HSF2: variants seen among roughly 807,000 people sequenced by gnomAD.
HSF2 encodes heat shock transcription factor 2.
HSF2 carries 21 observed loss-of-function variants against 65.0 expected under a neutral mutation model. The observed-to-expected ratio is 0.32, with a 90% CI of 0.23 to 0.47. HSF2 has a LOEUF of 0.47. Ranked by LOEUF, HSF2 falls within the 20% of genes least tolerant of loss-of-function variation. The pLI, the probability that HSF2 is intolerant of heterozygous loss-of-function variation, is 1.00. For synonymous variants in HSF2, 225 were observed against 219.1 expected (o/e 1.03, Z -0.24); for missense variants, 499 against 628.1 (o/e 0.79, Z 2.20).
rs1007815110 is a variant in HSF2, at chr6:122,432,526, C to T, written c.*306C>T. ...TTTTTTTACAAATACGACCATTAAC[C>T]TCAGTTAAATTTTTGTTTGTTTTCC... On this transcript the variant is annotated 3_prime_UTR_variant, in exon 13 of 13. Coordinates refer to ENST00000368455, the MANE Select transcript of HSF2 (RefSeq NM_004506.4). The T allele has an allele frequency of 7.8e-6, 2 of 256,440 alleles. No homozygotes were observed. Among genetic ancestry groups the T allele is most frequent in the African/African-American group, 2.3e-5 (1 of 44,350 alleles). The allele number at this position is 256,440 out of a possible 1,614,324, so 15.9% of individuals were successfully genotyped here.
intron 1 of HSF2, among the ~76,000 whole-genome samples, chr6:122,407,345 CT>C (rs1773889471): frequency 6.6e-6 from 1 of 152,158 alleles, no homozygotes; most frequent in South Asian, 2.1e-4. Flanking sequence ...TGTGAATTAT[CT>C]TCCAAAGAGA....
At chr6:122,399,964 A>G in intron 1 of HSF2, 134 bp downstream of exon 1, 1 of 710,566 alleles carries the variant, frequency 1.4e-6, no homozygotes. Context: ...CTTGGCGTTC[A>G]GCCTCGCGGG....
chr6:122,413,400 C>T (rs12527592), intron 3 of HSF2, 125 bp from the exon 4 acceptor site: 69,598 of 650,576 alleles, frequency 0.11, 4,125 homozygotes, highest in South Asian at 0.14. Context: ...CATTTCATCC[C>T]GGGCTTTTGG....
intron 1 of HSF2, among the ~76,000 whole-genome samples, chr6:122,400,083 G>A (rs996146542): frequency 3.9e-5 from 6 of 152,124 alleles, no homozygotes; most frequent in South Asian, 2.1e-4. Context: ...TAGCGGCCCA[G>A]GCAGCCCCTT....
At position 122,422,851 on chromosome 6, in the gene HSF2, C is replaced by G; in HGVS notation, c.964C>G (p.Leu322Val). 1 of 1,613,724 alleles carries G rather than the reference C, an allele frequency of 6.2e-7. No individual in the cohort carries two copies. The highest frequency in any genetic ancestry group is 1.1e-5 in the South Asian group (1 of 91,082). The change falls in exon 9 of 13, where the codon CTC (leucine) becomes GTC (valine). Residue 322 changes from leucine to valine, a missense_variant. By Grantham distance (32) the Leu-to-Val change is conservative. Coordinates refer to ENST00000368455, the MANE Select transcript of HSF2 (RefSeq NM_004506.4). ...LSSGSDGSSP[L>V]MSSAVQLNGS... is the part of the protein sequence containing the mutation. ...TTCAGGCAGTGATGGCAGCAGCCCTCTCATGTCTAGTGCTGTCCAGCTAAA... is the reference window on the plus strand; with the variant it reads ...TTCAGGCAGTGATGGCAGCAGCCCTGTCATGTCTAGTGCTGTCCAGCTAAA...
At position 122,432,977 on chromosome 6, in the gene HSF2, GTCT is replaced by G. The variant is rs1211555628; in HGVS notation, c.*762_*764del. ...TGTTGAGTACTAGTGTCTGTTATGT[GTCT>G]TCTTTAGAGGTGACACTCACATGAA... On this transcript the variant is annotated 3_prime_UTR_variant, in exon 13 of 13. Coordinates refer to ENST00000368455, the MANE Select transcript of HSF2 (RefSeq NM_004506.4). 6.6e-6 allele frequency: 1 copy of G among 152,090 alleles called. No individual in the cohort carries two copies. The highest frequency in any genetic ancestry group is 1.5e-5 in the Non-Finnish European group (1 of 68,000). 9.4% of individuals were successfully genotyped at this position (152,090 alleles called of 1,614,324 possible).
chr6:122,409,540 A>C (rs1773943849), intron 1 of HSF2, among the ~76,000 whole-genome samples: 1 of 151,998 alleles, frequency 6.6e-6, no homozygotes, highest in Non-Finnish European at 1.5e-5. Flanking sequence ...TAAGATAGGA[A>C]AAGACGTATG....
At chr6:122,413,488 A>G in intron 3 of HSF2, 37 bp from the exon 4 acceptor site, 1 of 1,469,872 alleles carries the variant, frequency 6.8e-7, no homozygotes, top group Non-Finnish European at 9.4e-7. Context: ...ATGGGTGTTT[A>G]CTGTTTCTTT....
chr6:122,422,246 A>G lies in HSF2; in HGVS notation c.778A>G (p.Asn260Asp). ...TACTGATGATAATGCAGATGAAGAA[A>G]ATATCCCAGTTATTCCAGAAACTAA... ...DVTDDNADEENIPVIPETNED... is the reference protein window; with the variant it reads ...DVTDDNADEEDIPVIPETNED... Residue 260 changes from asparagine to aspartate, a missense_variant, in exon 8 of 13, where the codon AAT (asparagine) becomes GAT (aspartate). This residue lies in a region of HSF2 where 349 missense variants were observed against 393.5 expected (regional missense o/e 0.89). Transcript: ENST00000368455. 2.5e-6 allele frequency: 4 copies of G among 1,600,726 alleles called. No homozygotes were observed. Among genetic ancestry groups the G allele is most frequent in the Non-Finnish European group, 1.7e-6 (2 of 1,168,484 alleles).
At chr6:122,424,261 C>A (rs1774296298) in intron 10 of HSF2, among the ~76,000 whole-genome samples, 2 of 152,138 alleles carry the variant, frequency 1.3e-5, no homozygotes, top group East Asian at 3.9e-4. Context: ...ACCTTTCTTA[C>A]TCTATTCTCT....
intron 6 of HSF2, among the ~76,000 whole-genome samples, 167 bp from the exon 7 acceptor site, chr6:122,419,968 T>C (rs1774197871): frequency 6.6e-6 from 1 of 152,164 alleles, no homozygotes; most frequent in Non-Finnish European, 1.5e-5. Context: ...CATCCAGCAG[T>C]TTCTGTTCCT....
chr6:122,404,254 C>T (rs546609811), intron 1 of HSF2, among the ~76,000 whole-genome samples: 4 of 152,196 alleles, frequency 2.6e-5, no homozygotes, highest in African/African-American at 9.6e-5. Context: ...AGCAGTAGGC[C>T]CTTGGACTTC....
chr6:122,412,986 T>G (rs1003042193), intron 3 of HSF2, among the ~76,000 whole-genome samples: 10 of 152,038 alleles, frequency 6.6e-5, no homozygotes, highest in African/African-American at 2.2e-4. Flanking sequence ...CCTGGAAGAC[T>G]TTTTCTATAG....
intron 8 of HSF2, 146 bp from the exon 9 acceptor site, chr6:122,422,572 C>T: frequency 1.2e-6 from 1 of 811,036 alleles, no homozygotes; most frequent in Non-Finnish European, 2.0e-6. Context: ...TATGAAGTAC[C>T]AATATTGTGA....
intron 10 of HSF2, among the ~76,000 whole-genome samples, chr6:122,424,022 A>C (rs2114450015): frequency 6.6e-6 from 1 of 152,242 alleles, no homozygotes; most frequent in Admixed American, 6.6e-5. Flanking sequence ...AATTTGTGGA[A>C]ATTAGTAATA....
intron 1 of HSF2, 115 bp downstream of exon 1, chr6:122,399,945 G>C: frequency 1.2e-6 from 1 of 802,722 alleles, no homozygotes; most frequent in Non-Finnish European, 2.1e-6. Context: ...GAGGCCCGCG[G>C]TGCGGGGCCT....
chr6:122,418,087 TACTC>T (rs1324516700), intron 5 of HSF2, among the ~76,000 whole-genome samples: 3 of 152,184 alleles, frequency 2.0e-5, no homozygotes, highest in Non-Finnish European at 4.4e-5. Flanking sequence ...TAATTGATAA[TACTC>T]TATTTAATCA....
intron 4 of HSF2, among the ~76,000 whole-genome samples, chr6:122,415,872 C>G (rs935956416): frequency 1.3e-5 from 2 of 152,088 alleles, no homozygotes; most frequent in Non-Finnish European, 2.9e-5. Context: ...AAAAAATTAG[C>G]TGGTTGTGGT....
intron 7 of HSF2, among the ~76,000 whole-genome samples, chr6:122,421,536 G>T (rs1015028284): frequency 3.5e-4 from 53 of 150,962 alleles, no homozygotes; most frequent in African/African-American, 1.2e-3. Flanking sequence ...GGAATTTATA[G>T]TTTTTTGCAT....
Sources: allele counts gnomAD v4.1 joint callset (sites outside exome capture counted in the v4.1 genomes callset), GRCh38; gene constraint gnomAD v4.1.1; regional missense constraint gnomAD v4.1.1; transcripts MANE v1.5; gene names NCBI Gene and HGNC (gene_info 2026-07-23, HGNC 2026-07-21).